Variants in GPC5 observed in about 807,000 individuals in gnomAD.
GPC5 encodes glypican 5.
In GPC5, 47 loss-of-function variants were observed where a neutral mutation model predicts 53.9. The observed-to-expected ratio is 0.87, with a 90% CI of 0.69 to 1.11. The LOEUF is 1.11. Ranked by LOEUF, GPC5 falls within the 50% of genes most tolerant of loss-of-function variation. The pLI, the probability that GPC5 is intolerant of heterozygous loss-of-function variation, is 0.00. For synonymous variants in GPC5, 286 were observed against 263.3 expected (o/e 1.09, Z -0.84); for missense variants, 748 against 713.1 (o/e 1.05, Z -0.56).
intron 7 of GPC5, among the ~76,000 whole-genome samples, chr13:92,206,264 AC>A (rs2042336418): frequency 6.8e-6 from 1 of 147,744 alleles, no homozygotes; most frequent in African/African-American, 2.5e-5. Context: ...CTCCCGGGTC[AC>A]GCCATTCTCC....
chr13:92,420,722 C>T (rs1462650498), intron 7 of GPC5, among the ~76,000 whole-genome samples: 1 of 152,136 alleles, frequency 6.6e-6, no homozygotes, highest in Non-Finnish European at 1.5e-5. Context: ...TTAGATCCCA[C>T]AAATAAGTGA....
intron 6 of GPC5, among the ~76,000 whole-genome samples, chr13:91,945,630 G>A (rs565783787): frequency 6.6e-6 from 1 of 152,264 alleles, no homozygotes; most frequent in Non-Finnish European, 1.5e-5. Flanking sequence ...CCTCTAGGAC[G>A]AAGGAAAGGG....
chr13:91,692,019 G>C (rs191505847), intron 2 of GPC5, among the ~76,000 whole-genome samples: 1 of 152,190 alleles, frequency 6.6e-6, no homozygotes, highest in East Asian at 1.9e-4. Context: ...GGTGTTTACT[G>C]TTGCTTAATG....
chr13:92,524,895 G>T (rs1881214383), intron 7 of GPC5, among the ~76,000 whole-genome samples: 2 of 152,088 alleles, frequency 1.3e-5, no homozygotes, highest in South Asian at 4.1e-4. Context: ...ATATGGAGAT[G>T]CGTAGGGATG....
intron 2 of GPC5, among the ~76,000 whole-genome samples, chr13:91,502,691 C>T (rs902490849): frequency 2.0e-5 from 3 of 152,146 alleles, no homozygotes; most frequent in Admixed American, 6.6e-5. Flanking sequence ...CCTGAACCAC[C>T]CAGCACCACT....
chr13:92,653,832 C>T (rs1436475549), intron 7 of GPC5, among the ~76,000 whole-genome samples: 1 of 152,220 alleles, frequency 6.6e-6, no homozygotes, highest in Non-Finnish European at 1.5e-5. Flanking sequence ...TTCTGATCTG[C>T]TGTCTTTGCC....
chr13:91,457,372 A>G (rs1881635948), intron 2 of GPC5, among the ~76,000 whole-genome samples: 1 of 152,182 alleles, frequency 6.6e-6, no homozygotes, highest in African/African-American at 2.4e-5. Context: ...GATACTATAA[A>G]AAATATCTAA....
intron 7 of GPC5, among the ~76,000 whole-genome samples, chr13:92,799,318 A>G (rs1876818075): frequency 6.6e-6 from 1 of 151,840 alleles, no homozygotes; most frequent in Admixed American, 6.6e-5. Flanking sequence ...TAAAATATTT[A>G]TATGTTAAAT....
intron 1 of GPC5, among the ~76,000 whole-genome samples, chr13:91,419,070 T>G (rs1316384409): frequency 2.0e-5 from 3 of 152,104 alleles, no homozygotes; most frequent in African/African-American, 7.2e-5. Context: ...ATTACCTGGT[T>G]AATATATTCT....
At chr13:92,398,635 T>G (rs1231502827) in intron 7 of GPC5, among the ~76,000 whole-genome samples, 1 of 152,112 alleles carries the variant, frequency 6.6e-6, no homozygotes, top group Non-Finnish European at 1.5e-5. Flanking sequence ...CCTGGTAAAC[T>G]CACTCCTCAA....
intron 5 of GPC5, among the ~76,000 whole-genome samples, chr13:91,844,957 C>T (rs944602072): frequency 4.6e-5 from 7 of 152,050 alleles, no homozygotes; most frequent in African/African-American, 1.7e-4. Context: ...TTTCTGGAAA[C>T]CCATGTCTTT....
intron 7 of GPC5, among the ~76,000 whole-genome samples, chr13:92,285,644 G>C (rs907619973): frequency 3.9e-5 from 6 of 152,148 alleles, no homozygotes; most frequent in Non-Finnish European, 8.8e-5. Flanking sequence ...ATGGGGAAAG[G>C]ATTCCCTATT....
intron 7 of GPC5, among the ~76,000 whole-genome samples, chr13:92,274,991 A>G (rs1315390580): frequency 6.6e-6 from 1 of 152,094 alleles, no homozygotes; most frequent in Admixed American, 6.6e-5. Flanking sequence ...TGAATATATG[A>G]TTTATATAGA....
chr13:91,458,912 AC>A (rs1282267217), intron 2 of GPC5, among the ~76,000 whole-genome samples: 3 of 152,156 alleles, frequency 2.0e-5, no homozygotes, highest in Non-Finnish European at 4.4e-5. Context: ...ATTTGCAACA[AC>A]CTAGATGGAA....
intron 2 of GPC5, among the ~76,000 whole-genome samples, chr13:91,480,262 T>A (rs951524380): frequency 6.6e-6 from 1 of 152,248 alleles, no homozygotes; most frequent in Non-Finnish European, 1.5e-5. Context: ...AGCTCCGCTA[T>A]GGACAGGGCA....
At chr13:91,670,665 A>G (rs866123690) in intron 2 of GPC5, among the ~76,000 whole-genome samples, 1 of 152,166 alleles carries the variant, frequency 6.6e-6, no homozygotes. Flanking sequence ...GCTTCAGTCT[A>G]TAAATTGGAA....
At chr13:92,862,764 A>G (rs59751534) in intron 7 of GPC5, among the ~76,000 whole-genome samples, 66 of 152,324 alleles carry the variant, frequency 4.3e-4, no homozygotes, top group Middle Eastern at 3.4e-3. Flanking sequence ...CAGTGAATAG[A>G]TTTTATAAAT....
intron 7 of GPC5, among the ~76,000 whole-genome samples, chr13:92,801,878 T>C (rs751837695): frequency 2.0e-5 from 3 of 151,862 alleles, no homozygotes; most frequent in Non-Finnish European, 4.4e-5. Context: ...CTTAGCATTG[T>C]TACAAAAGGG....
At chr13:91,516,299 C>T (rs949384449) in intron 2 of GPC5, among the ~76,000 whole-genome samples, 7 of 152,146 alleles carry the variant, frequency 4.6e-5, no homozygotes, top group African/African-American at 1.4e-4. Flanking sequence ...TACCTGGATA[C>T]AATGAGGGTA....
Sources: gnomAD v4.1 joint callset for allele counts (sites outside exome capture counted in the v4.1 genomes callset) on GRCh38, gnomAD v4.1.1 for gene constraint, MANE v1.5 for transcripts, NCBI Gene and HGNC (gene_info 2026-07-23, HGNC 2026-07-21) for gene names.